RHOBTB1: variants seen among roughly 807,000 people sequenced by gnomAD.
RHOBTB1 encodes the protein rho-related BTB domain-containing protein 1.
A neutral mutation model predicts 71.6 loss-of-function variants in RHOBTB1; 40 were observed. The ratio of observed to expected loss-of-function variants is 0.56; its 90% CI spans 0.43 to 0.73. The LOEUF is 0.73. RHOBTB1 is among the 30% of genes least tolerant of loss of function. RHOBTB1 has a pLI of 0.00. For missense variants in RHOBTB1, 797 were observed against 894.0 expected, an observed-to-expected ratio of 0.89 and a Z score of 1.38; for synonymous variants, 319 against 334.9, an observed-to-expected ratio of 0.95 and a Z score of 0.52.
At chr10:60,865,835 A>T (rs1252243803), downstream of RHOBTB1, among the ~76,000 whole-genome samples, 1 of 151,960 alleles carries the variant, frequency 6.6e-6, no homozygotes, top group East Asian at 1.9e-4. Context: ...CCTGGAATTC[A>T]TTTTTATTTT....
intron 2 of RHOBTB1, among the ~76,000 whole-genome samples, chr10:60,917,695 T>A (rs2083338812): frequency 6.6e-6 from 1 of 152,038 alleles, no homozygotes; most frequent in South Asian, 2.1e-4. Context: ...CTTAATACAA[T>A]CACATTGGGG....
chr10:61,001,822 A>AG (rs113104593), upstream of RHOBTB1, among the ~76,000 whole-genome samples: 1,110 of 152,326 alleles, frequency 7.3e-3, 6 homozygotes, highest in African/African-American at 0.026. Context: ...TTCTCCGCTC[A>AG]GGGCCCGAGG....
chr10:60,909,140 A>G (rs1339994372), intron 4 of RHOBTB1, among the ~76,000 whole-genome samples: 1 of 152,194 alleles, frequency 6.6e-6, no homozygotes, highest in Non-Finnish European at 1.5e-5. Context: ...TATGTCAGAG[A>G]GCTGGACGGG....
chr10:60,865,541 AAAAGGCC>A (rs2080632710), downstream of RHOBTB1, among the ~76,000 whole-genome samples: 1 of 152,232 alleles, frequency 6.6e-6, no homozygotes, highest in South Asian at 2.1e-4. Flanking sequence ...CAGATGATAC[AAAAGGCC>A]AAGGCCAGAT....
chr10:60,979,584 AC>A (rs780332365), intron 2 of RHOBTB1, among the ~76,000 whole-genome samples: 1 of 152,188 alleles, frequency 6.6e-6, no homozygotes, highest in Non-Finnish European at 1.5e-5. Flanking sequence ...ATTCAATTTA[AC>A]CAATACCAGG....
intron 1 of RHOBTB1, among the ~76,000 whole-genome samples, chr10:60,993,254 G>A (rs2086931114): frequency 6.6e-6 from 1 of 151,988 alleles, no homozygotes; most frequent in Admixed American, 6.6e-5. Flanking sequence ...ATTACAATAA[G>A]CCATAAAACC....
At chr10:60,943,271 G>A (rs1441579383) in intron 1 of RHOBTB1, among the ~76,000 whole-genome samples, 1 of 152,174 alleles carries the variant, frequency 6.6e-6, no homozygotes, top group Non-Finnish European at 1.5e-5. Context: ...GGATGGAAAC[G>A]GTGCAGCTAA....
At chr10:60,988,491 G>A (rs1002883160) in intron 1 of RHOBTB1, among the ~76,000 whole-genome samples, 1 of 151,554 alleles carries the variant, frequency 6.6e-6, no homozygotes, top group Non-Finnish European at 1.5e-5. Context: ...AGTGTCTGTT[G>A]TTCCATTCTT....
chr10:60,966,766 T>C (rs1030288623), intron 2 of RHOBTB1, among the ~76,000 whole-genome samples: 3 of 151,724 alleles, frequency 2.0e-5, no homozygotes, highest in Non-Finnish European at 1.5e-5. Flanking sequence ...TATACATGTG[T>C]CATGTTGGTG....
At chr10:60,954,580 T>C (rs1422457288) in intron 2 of RHOBTB1, among the ~76,000 whole-genome samples, 1 of 152,168 alleles carries the variant, frequency 6.6e-6, no homozygotes, top group Non-Finnish European at 1.5e-5. Context: ...CACATACCTG[T>C]ACCAAGAGAT....
chr10:60,887,968 T>C (rs1201293317), intron 6 of RHOBTB1, among the ~76,000 whole-genome samples: 2 of 152,178 alleles, frequency 1.3e-5, no homozygotes, highest in Admixed American at 6.5e-5. Context: ...GGTGTGACCA[T>C]GGGCAGATTA....
intron 2 of RHOBTB1, among the ~76,000 whole-genome samples, chr10:60,985,202 A>C (rs2086621835): frequency 6.9e-6 from 1 of 144,694 alleles, no homozygotes; most frequent in African/African-American, 2.5e-5. Flanking sequence ...ATGAAGAGTG[A>C]AAATAACAAA....
At chr10:60,941,232 T>G (rs2084887019) in intron 2 of RHOBTB1, among the ~76,000 whole-genome samples, 1 of 152,194 alleles carries the variant, frequency 6.6e-6, no homozygotes, top group South Asian at 2.1e-4. Context: ...TAAAAAATCC[T>G]ATTTGTGCCA....
chr10:60,969,217 C>T (rs1238231822), intron 2 of RHOBTB1, among the ~76,000 whole-genome samples: 1 of 151,916 alleles, frequency 6.6e-6, no homozygotes. Context: ...AACAAAAAAC[C>T]TAAACCCAAC....
At chr10:60,961,260 A>G (rs1344662947) in intron 2 of RHOBTB1, among the ~76,000 whole-genome samples, 1 of 152,170 alleles carries the variant, frequency 6.6e-6, no homozygotes, top group South Asian at 2.1e-4. Flanking sequence ...GGAAGAACAT[A>G]CTATGAGATG....
rs565472500 is a variant in RHOBTB1, at chr10:60,993,739, G to T, written c.-163+7660C>A. ...TTCTGTAGGCCCTAAATCCTTTCCA[G>T]CATATAAATAAAATATATAACATTT... is the stretch of plus-strand genomic sequence containing the variant. On this transcript the variant is annotated intron_variant, in intron 1 of 11. Coordinates refer to the RHOBTB1 transcript ENST00000357917. Among the ~76,000 whole-genome samples the T allele has an allele frequency of 2.5e-4, 37 of 150,886 alleles. 1 individual carries two copies. The South Asian group carries it at 7.7e-3, about 32-fold the overall frequency.
chr10:60,885,205 A>C (rs1228203761), intron 7 of RHOBTB1, among the ~76,000 whole-genome samples: 1 of 152,234 alleles, frequency 6.6e-6, no homozygotes, highest in South Asian at 2.1e-4. Context: ...AATGGTAAAC[A>C]TCTGAGGTGA....
chr10:60,908,843 G>A (rs2082815302), intron 4 of RHOBTB1, among the ~76,000 whole-genome samples: 1 of 152,138 alleles, frequency 6.6e-6, no homozygotes, highest in African/African-American at 2.4e-5. Flanking sequence ...GAAATACAAG[G>A]TACAAACATG....
Position 60,886,136 on chromosome 10 carries a change from T to C in RHOBTB1, c.1551A>G (p.Ser517=). 6.2e-7 allele frequency: 1 copy of C among 1,614,092 alleles called. No individual in the cohort carries two copies. The highest frequency in any genetic ancestry group is 8.5e-7 in the Non-Finnish European group (1 of 1,179,948). The change falls in exon 7 of 11, where the codon TCA becomes TCG. Residue 517 remains serine, a synonymous_variant. Transcript: ENST00000337910. ...CEWMAAMFGG[S]FVESANSEVY... The stretch of plus-strand genomic sequence containing the variant: ...CCTCACTGTTGGCACTTTCCACAAA[T>C]GACCCCCCGAACATGGCTGCCATCC...
Sources: allele counts gnomAD v4.1 joint callset (sites outside exome capture counted in the v4.1 genomes callset), GRCh38; gene constraint gnomAD v4.1.1; transcripts MANE v1.5; gene names NCBI Gene and HGNC (gene_info 2026-07-23, HGNC 2026-07-21).